The following RPS6KA1 variants were observed in gnomAD, a reference collection of about 807,000 sequenced individuals.
The protein encoded by RPS6KA1 is ribosomal protein S6 kinase A1.
A neutral mutation model predicts 91.3 loss-of-function variants in RPS6KA1; 48 were observed. That is an observed-to-expected ratio of 0.53 (90% CI 0.42 to 0.67). The LOEUF (loss-of-function observed/expected upper bound fraction) is 0.67, where lower values mean the gene tolerates loss of function less well. Among genes scored for constraint, RPS6KA1 ranks in the 30% least tolerant of loss-of-function variants. The pLI is 0.00. For synonymous variants in RPS6KA1, 359 were observed against 384.7 expected, an observed-to-expected ratio of 0.93 and a Z score of 0.78; for missense variants, 719 against 960.5, an observed-to-expected ratio of 0.75 and a Z score of 3.32.
In RPS6KA1 at chr1:26,572,268, G is replaced by C; in HGVS notation, c.1922G>C (p.Trp641Ser). ...SGKFTLSGGN[W>S]NTVSETAKDL... ...AAGTTTACCCTCAGTGGGGGAAATT[G>C]GAACACAGTTTCAGAGACAGCCAAG... The change falls in exon 20 of 22, where the codon TGG (tryptophan) becomes TCG (serine). Residue 641 changes from tryptophan to serine, a missense_variant. By Grantham distance (177) the Trp-to-Ser change is radical. This residue lies in a region of RPS6KA1 where 249 missense variants were observed against 323.1 expected (regional missense o/e 0.77). Coordinates refer to ENST00000374168, the MANE Select transcript of RPS6KA1 (RefSeq NM_002953.4). 1 of 1,613,742 alleles carries C rather than the reference G, an allele frequency of 6.2e-7. No homozygotes were observed.
chr1:26,541,012 A>G (rs1330333946), intron 2 of RPS6KA1, among the ~76,000 whole-genome samples: 40 of 151,840 alleles, frequency 2.6e-4, no homozygotes, highest in Non-Finnish European at 2.9e-5. Flanking sequence ...CTGGTCTCGA[A>G]CTCCCGACCT....
At chr1:26,564,157 C>T (rs444482) in intron 17 of RPS6KA1, among the ~76,000 whole-genome samples, 1 of 151,930 alleles carries the variant, frequency 6.6e-6, no homozygotes, top group Admixed American at 6.6e-5. Context: ...AGAAGGCCAA[C>T]GTCATCCAAT....
chr1:26,560,615 C>A, intron 14 of RPS6KA1, 111 bp from the exon 15 acceptor site: 1 of 1,386,448 alleles, frequency 7.2e-7, no homozygotes, highest in Non-Finnish European at 1.0e-6. Flanking sequence ...TACCCCAAGT[C>A]TCCTGGCCCT....
At chr1:26,565,116 ATG>A (rs1307576526) in intron 17 of RPS6KA1, among the ~76,000 whole-genome samples, 2 of 152,170 alleles carry the variant, frequency 1.3e-5, no homozygotes, top group Non-Finnish European at 2.9e-5. Context: ...CTAGGAGTGT[ATG>A]TGTCTCCAAA....
rs754724402 is a variant in RPS6KA1 at position 26,555,626 on chromosome 1, G to C, written c.916+1G>C. 26 of 1,588,982 alleles carry C rather than the reference G, an allele frequency of 1.6e-5. No individual in the cohort carries two copies. Among genetic ancestry groups the C allele is most frequent in the Non-Finnish European group, 8.6e-7 (1 of 1,166,860 alleles). The stretch of plus-strand genomic sequence containing the variant: ...AAGCGGAATCCTGCCAACCGGCTCG[G>C]TAAGCAGCCCCAGCTCAGGGGAGGG... On this transcript the variant is annotated splice_donor_variant, in intron 11 of 21. Transcript: ENST00000374168. LOFTEE classifies it high-confidence loss of function. This position sits in a 1 kb window ranked among gnomAD's most constrained non-coding sequence, Gnocchi z 4.3.
rs1298445450 is a variant in RPS6KA1, at chr1:26,572,258, G to A, written c.1912G>A (p.Gly638Arg). The A allele has an allele frequency of 6.2e-7, 1 of 1,613,770 alleles. No homozygotes were observed. The highest frequency in any genetic ancestry group is 1.3e-5 in the African/African-American group (1 of 74,838). The change falls in exon 20 of 22, where the codon GGG becomes AGG. Residue 638 changes from glycine to arginine, a missense_variant. By Grantham distance (125) the Gly-to-Arg change is moderately radical. Coordinates refer to ENST00000374168, the MANE Select transcript of RPS6KA1 (RefSeq NM_002953.4). ...CGGCAGTGGGAAGTTTACCCTCAGT[G>A]GGGGAAATTGGAACACAGTTTCAGA... ...RIGSGKFTLS[G>R]GNWNTVSETA...
In RPS6KA1 at chr1:26,555,335, C is replaced by T; in HGVS notation, c.827+114C>T. 8.9e-7 allele frequency: 1 copy of T among 1,120,010 alleles called. No individual in the cohort carries two copies. Among genetic ancestry groups the T allele is most frequent in the Non-Finnish European group, 1.3e-6 (1 of 762,000 alleles). 69.4% of individuals were successfully genotyped at this position (1,120,010 alleles called of 1,614,324 possible). ...CTCAGCTACCCTCTCTAATGAGACT[C>T]TCCTCTGGGTTAAACATTATACCTT... On this transcript the variant is annotated intron_variant, in intron 10 of 21. Transcript: ENST00000374168. The surrounding 1 kb of genome is among the most constrained non-coding windows in gnomAD (Gnocchi z 4.3).
intron 7 of RPS6KA1, 104 bp downstream of exon 7, chr1:26,553,601 C>T: frequency 3.0e-6 from 2 of 664,632 alleles, no homozygotes; most frequent in Non-Finnish European, 2.6e-6. Flanking sequence ...GAAACGTCTC[C>T]CTCTCTTGGG....
intron 2 of RPS6KA1, among the ~76,000 whole-genome samples, chr1:26,542,438 C>T (rs571211027): frequency 1.4e-4 from 22 of 152,294 alleles, no homozygotes; most frequent in African/African-American, 5.1e-4. Context: ...ACAGGGTTTC[C>T]GATCATCGGC....
chr1:26,560,873 C>T (rs368628171), intron 15 of RPS6KA1, 22 bp downstream of exon 15: 4 of 1,614,024 alleles, frequency 2.5e-6, no homozygotes, highest in East Asian at 2.2e-5. Context: ...GACCACGTCT[C>T]GGCCAAGGCT....
Position 26,571,913 on chromosome 1 carries a change from C to T in RPS6KA1, c.1817C>T (p.Thr606Ile), listed in dbSNP as rs770722105. Residue 606 changes from threonine to isoleucine, a missense_variant, in exon 19 of 22, where the codon ACC becomes ATC. By Grantham distance (89) the Thr-to-Ile change is moderately conservative (BLOSUM62 -1). Transcript: ENST00000374168. The surrounding 1 kb of genome is among the most constrained non-coding windows in gnomAD (Gnocchi z 5.1). The part of the protein sequence containing the change: ...DIWSLGILLY[T>I]MLAGYTPFAN... Reference sequence around the variant, plus strand: ...TGGAGCCTGGGCATTCTGCTGTACACCATGCTGGCAGGGTGAGTGCCCCTG... The same window carrying T: ...TGGAGCCTGGGCATTCTGCTGTACATCATGCTGGCAGGGTGAGTGCCCCTG... 9.9e-6 allele frequency: 16 copies of T among 1,611,856 alleles called. No individual in the cohort carries two copies. The highest frequency in any genetic ancestry group is 1.7e-5 in the Admixed American group (1 of 60,012).
chr1:26,532,831 GC>G (rs1046817829), intron 1 of RPS6KA1, among the ~76,000 whole-genome samples: 4 of 152,174 alleles, frequency 2.6e-5, no homozygotes, highest in Admixed American at 2.0e-4. Context: ...GTGGTCTGGG[GC>G]CCTGGGCATC....
intron 1 of RPS6KA1, chr1:26,530,745 A>T (rs1377792346): frequency 1.2e-5 from 15 of 1,282,886 alleles, no homozygotes; most frequent in Non-Finnish European, 1.5e-5. Flanking sequence ...TCTCTCTCAG[A>T]AGCAGCTCCT....
At chr1:26,543,312 C>A in intron 2 of RPS6KA1, 1 of 1,002,388 alleles carries the variant, frequency 1.0e-6, no homozygotes, top group Non-Finnish European at 1.5e-6. Flanking sequence ...CTTGGGATTT[C>A]TGGGTGGTTT....
Position 26,569,409 on chromosome 1 carries a change from G to A in RPS6KA1, c.1591-2040G>A, listed in dbSNP as rs987694067. On this transcript the variant is annotated intron_variant, in intron 17 of 21. Coordinates refer to ENST00000374168, the MANE Select transcript of RPS6KA1 (RefSeq NM_002953.4). ...TCCTGGGGGCCTGGCCTTGTGCTGT[G>A]GGCATACGATTGTGTTTGAAGGAGG... is the stretch of plus-strand genomic sequence containing the variant. 2.0e-5 allele frequency among the ~76,000 whole-genome samples: 3 copies of A among 152,092 alleles called. No homozygotes were observed. In the East Asian group the frequency reaches 5.8e-4, roughly 29 times the overall value.
chr1:26,564,905 C>T (rs1348661283), intron 17 of RPS6KA1, among the ~76,000 whole-genome samples: 9 of 152,132 alleles, frequency 5.9e-5, no homozygotes, highest in Admixed American at 5.9e-4. Context: ...AGTGAGTACT[C>T]GTTAAACTTA....
At position 26,540,889 on chromosome 1, in the gene RPS6KA1, C is replaced by T. The variant is rs2075941708; in HGVS notation, c.108+3920C>T. On this transcript the variant is annotated intron_variant, in intron 2 of 21. Coordinates refer to ENST00000374168, the MANE Select transcript of RPS6KA1 (RefSeq NM_002953.4). The surrounding 1 kb of genome is among the most constrained non-coding windows in gnomAD (Gnocchi z 4.2). ...CACCACAACCTCCGCCTCCTAGGTT[C>T]AAGCGATTCTCCTGCCTCAGCCTCC... 6.6e-6 allele frequency among the ~76,000 whole-genome samples: 1 copy of T among 152,200 alleles called. No homozygotes were observed. The highest frequency in any genetic ancestry group is 2.1e-4 in the South Asian group (1 of 4,828).
intron 1 of RPS6KA1, among the ~76,000 whole-genome samples, chr1:26,530,261 C>T (rs943134514): frequency 1.3e-5 from 2 of 152,244 alleles, no homozygotes; most frequent in African/African-American, 4.8e-5. Context: ...ACCTAGGACC[C>T]GTCCCGGCAT....
Position 26,558,875 on chromosome 1 carries a change from G to T in RPS6KA1, c.1153G>T (p.Gly385Cys). 2.5e-6 allele frequency: 4 copies of T among 1,613,892 alleles called. No homozygotes were observed. Among genetic ancestry groups the T allele is most frequent in the Non-Finnish European group, 3.4e-6 (4 of 1,179,824 alleles). The change falls in exon 14 of 22, where the codon GGC becomes TGC. Residue 385 changes from glycine (G) to cysteine (C), a missense_variant. By Grantham distance (159) the Gly-to-Cys change is radical. Coordinates refer to ENST00000374168, the MANE Select transcript of RPS6KA1 (RefSeq NM_002953.4). The surrounding 1 kb of genome is among the most constrained non-coding windows in gnomAD (Gnocchi z 4.0). ...CCGGGGCTTCAGCTTCGTGGCCACC[G>T]GCCTGATGGAAGACGACGGCAAGCC... Reference protein sequence around the residue: ...LFRGFSFVATGLMEDDGKPRA... With the variant: ...LFRGFSFVATCLMEDDGKPRA...
Sources: gnomAD v4.1 joint callset for allele counts (sites outside exome capture counted in the v4.1 genomes callset) on GRCh38, gnomAD v4.1.1 for gene constraint, gnomAD v4.1.1 regional missense constraint, Gnocchi (gnomAD v3.1) non-coding constraint, MANE v1.5 for transcripts, NCBI Gene and HGNC (gene_info 2026-07-23, HGNC 2026-07-21) for gene names.